WDR1: variants seen among roughly 807,000 people sequenced by gnomAD.
WDR1 encodes the protein WD repeat-containing protein 1.
WDR1 carries 21 observed loss-of-function variants against 71.9 expected under a neutral mutation model. That is an observed-to-expected ratio of 0.29 (90% CI 0.21 to 0.42). The LOEUF (loss-of-function observed/expected upper bound fraction) is 0.42. WDR1 is among the 10% of genes least tolerant of loss of function. WDR1 has a pLI of 1.00. For missense variants in WDR1, 696 were observed against 824.5 expected (o/e 0.84, Z 1.91); for synonymous variants, 424 against 347.4 (o/e 1.22, Z -2.45).
chr4:10,087,240 C>G (rs1467810135), intron 8 of WDR1, among the ~76,000 whole-genome samples: 9 of 152,240 alleles, frequency 5.9e-5, no homozygotes, highest in African/African-American at 1.7e-4. Context: ...CAGGCAGCGC[C>G]AAGGCCCAGG....
Position 10,077,305 on chromosome 4 carries a change from T to C in WDR1, c.1713A>G (p.Gln571=), listed in dbSNP as rs1418318152. The C allele has an allele frequency of 6.2e-7, 1 of 1,613,914 alleles. No individual in the cohort carries two copies. The highest frequency in any genetic ancestry group is 8.5e-7 in the Non-Finnish European group (1 of 1,179,842). Residue 571 remains glutamine (Q), a splice_region_variant and synonymous_variant, in exon 14 of 15, where the codon CAA becomes CAG. Coordinates refer to ENST00000499869, the MANE Select transcript of WDR1 (RefSeq NM_017491.5). The part of the protein sequence containing the change: ...LSDPETRVKI[Q]DAHRLHHVSS... Reference sequence around the variant, plus strand: ...CCAAGGCCTGGGGGCGGAAGTCACCTTGGATCTTGACTCTGGTTTCCGGGT... The same window carrying C: ...CCAAGGCCTGGGGGCGGAAGTCACCCTGGATCTTGACTCTGGTTTCCGGGT...
At chr4:10,093,200 C>G in intron 5 of WDR1, 1 of 1,256,326 alleles carries the variant, frequency 8.0e-7, no homozygotes, top group Non-Finnish European at 1.0e-6. Context: ...CCTCTGGGAG[C>G]CCACCCCATT....
chr4:10,084,304 A>T lies in WDR1; in HGVS notation c.1039+139T>A. The T allele has an allele frequency of 4.1e-6, 3 of 728,814 alleles. No homozygotes were observed. The Middle Eastern group carries it at 8.8e-4, about 214-fold the overall frequency. The allele number at this position is 728,814 out of a possible 1,614,324, so 45.1% of individuals were successfully genotyped here. On this transcript the variant is annotated intron_variant, in intron 9 of 14. Coordinates refer to ENST00000499869, the MANE Select transcript of WDR1 (RefSeq NM_017491.5). ...CATGTACAGACAGGCCACCCCTAGA[A>T]GCCACACGGGTCAGAAGAGCGTGTG...
intron 5 of WDR1, among the ~76,000 whole-genome samples, chr4:10,091,150 GA>G (rs1360755648): frequency 6.6e-6 from 1 of 152,272 alleles, no homozygotes; most frequent in Non-Finnish European, 1.5e-5. Context: ...ATGGAACGGG[GA>G]ACACAGGACT....
At chr4:10,115,952 C>T (rs962929696) in intron 2 of WDR1, 161 bp downstream of exon 2, 2 of 942,284 alleles carry the variant, frequency 2.1e-6, no homozygotes, top group African/African-American at 1.7e-5. Context: ...AATCTGAGGC[C>T]GGCTTCCGGG....
In WDR1 at chr4:10,079,153, C is replaced by T. The variant is rs146172769; in HGVS notation, c.1285-152G>A. 2.5e-3 allele frequency among the ~76,000 whole-genome samples: 382 copies of T among 152,324 alleles called. 4 individuals carry two copies. The highest frequency in any genetic ancestry group is 8.9e-3 in the African/African-American group (372 of 41,576). ...CAGGGCCACCTGGGGCTCTGAGCCA[C>T]ACCACCTGGACTCATGTCCCGTTTG... On this transcript the variant is annotated intron_variant, in intron 11 of 14. Coordinates refer to ENST00000499869, the MANE Select transcript of WDR1 (RefSeq NM_017491.5).
Position 10,084,327 on chromosome 4 carries a change from G to A in WDR1, c.1039+116C>T, listed in dbSNP as rs1765126512. The A allele has an allele frequency of 3.4e-6, 3 of 880,190 alleles. No homozygotes were observed. In the African/African-American group the frequency reaches 5.0e-5, roughly 15 times the overall value. The allele number at this position is 880,190 out of a possible 1,614,324, so 54.5% of individuals were successfully genotyped here. A position where few individuals can be genotyped will look rare whatever the true frequency, so the allele number is the denominator to read the frequency against. On this transcript the variant is annotated intron_variant, in intron 9 of 14. Transcript: ENST00000499869. ...GAAGCCACACGGGTCAGAAGAGCGT[G>A]TGGCTGTGGCTGCAGCTGGAGCCAC... is the stretch of plus-strand genomic sequence containing the variant.
At chr4:10,114,246 G>A (rs1436494037) in intron 2 of WDR1, among the ~76,000 whole-genome samples, 2 of 152,164 alleles carry the variant, frequency 1.3e-5, no homozygotes, top group Non-Finnish European at 2.9e-5. Context: ...CCCCTGAGAA[G>A]AAAATGGCAA....
At position 10,081,389 on chromosome 4, in the gene WDR1, C is replaced by T. The variant is rs753036384; in HGVS notation, c.1252G>A (p.Gly418Arg). ...ATGCACACGACCACGGCGTATCCCC[C>T]GGGGCCGACGGCTACGCACTTTGGC... ...VQPKCVAVGP[G>R]GYAVVVCIGQ... The change falls in exon 11 of 15, where the codon GGG becomes AGG. Residue 418 changes from glycine to arginine, a missense_variant. By Grantham distance (125) the Gly-to-Arg change is moderately radical. Transcript: ENST00000499869. 14 of 1,613,802 alleles carry T rather than the reference C, an allele frequency of 8.7e-6. No individual in the cohort carries two copies. In the African/African-American group the frequency reaches 9.3e-5, roughly 11 times the overall value.
intron 9 of WDR1, chr4:10,083,690 C>T (rs1211027382): frequency 1.9e-5 from 9 of 462,202 alleles, no homozygotes; most frequent in Non-Finnish European, 3.9e-5. Context: ...ACAGCAGGTG[C>T]CATCATCAGC....
chr4:10,080,079 C>G (rs1764953320), intron 11 of WDR1, among the ~76,000 whole-genome samples: 1 of 152,176 alleles, frequency 6.6e-6, no homozygotes, highest in African/African-American at 2.4e-5. Flanking sequence ...CAGAGAAATG[C>G]CACATGAGGA....
rs77210310 is a variant in WDR1, at chr4:10,103,804, C to T, written c.229+92G>A. 733 of 718,566 alleles carry T rather than the reference C, an allele frequency of 1.0e-3. 8 individuals carry two copies. The African/African-American group carries it at 0.012, about 12-fold the overall frequency. 44.5% of individuals were successfully genotyped at this position (718,566 alleles called of 1,614,324 possible). A position where few individuals can be genotyped will look rare whatever the true frequency, so the allele number is the denominator to read the frequency against. ...CCCACCCCCCACCTCCCTCCTCCCA[C>T]TCTCCCAAGGCCAGAAGCCCAGCTT... On this transcript the variant is annotated intron_variant, in intron 3 of 14. Coordinates refer to ENST00000499869, the MANE Select transcript of WDR1 (RefSeq NM_017491.5).
At chr4:10,097,535 C>T (rs765285244) in intron 5 of WDR1, among the ~76,000 whole-genome samples, 176 bp downstream of exon 5, 8 of 152,210 alleles carry the variant, frequency 5.3e-5, no homozygotes, top group Non-Finnish European at 8.8e-5. Flanking sequence ...CTGGGGAGGA[C>T]GAGTGCTGGG....
intron 10 of WDR1, 62 bp downstream of exon 10, chr4:10,082,960 C>A (rs1323893168): frequency 6.4e-7 from 1 of 1,553,382 alleles, no homozygotes; most frequent in East Asian, 2.3e-5. Context: ...TGCTGGAGGG[C>A]ACAAGCCCTC....
intron 3 of WDR1, 25 bp from the exon 4 acceptor site, chr4:10,099,164 G>GTT: frequency 7.1e-7 from 1 of 1,412,144 alleles, no homozygotes; most frequent in Non-Finnish European, 9.8e-7. Context: ...GGGCGGGGGA[G>GTT]GGGGGGAGGC....
chr4:10,109,690 C>T (rs183857985), intron 2 of WDR1, among the ~76,000 whole-genome samples: 250 of 152,364 alleles, frequency 1.6e-3, no homozygotes, highest in African/African-American at 5.6e-3. Flanking sequence ...CCACCACCTC[C>T]GTTTTCAGTC....
intron 5 of WDR1, chr4:10,094,547 G>C (rs1231047154): frequency 6.6e-6 from 1 of 152,204 alleles, no homozygotes; most frequent in South Asian, 2.1e-4. Flanking sequence ...TTCAGGCCAC[G>C]GTCAGACCCT....
intron 3 of WDR1, 93 bp from the exon 4 acceptor site, chr4:10,099,232 T>C (rs892108217): frequency 9.0e-7 from 1 of 1,106,330 alleles, no homozygotes; most frequent in African/African-American, 1.5e-5. Context: ...CAGGGCCACG[T>C]GGCCATAGGC....
chr4:10,115,506 G>A (rs958378760), intron 2 of WDR1, among the ~76,000 whole-genome samples: 2 of 152,232 alleles, frequency 1.3e-5, no homozygotes, highest in African/African-American at 2.4e-5. Flanking sequence ...CATACTGGAA[G>A]ACCAGGGTAT....
Sources: gnomAD v4.1 joint callset for allele counts (sites outside exome capture counted in the v4.1 genomes callset) on GRCh38, gnomAD v4.1.1 for gene constraint, MANE v1.5 for transcripts, NCBI Gene and HGNC (gene_info 2026-07-23, HGNC 2026-07-21) for gene names.